Variants in RYR3 observed in about 807,000 individuals in gnomAD.
The protein encoded by RYR3 is brain ryanodine receptor-calcium release channel.
A neutral mutation model predicts 584.3 loss-of-function variants in RYR3; 207 were observed. That is an observed-to-expected ratio of 0.35 (90% confidence interval 0.32 to 0.40). The LOEUF (loss-of-function observed/expected upper bound fraction) is 0.40, where lower values mean the gene tolerates loss of function less well. Ranked by LOEUF, RYR3 falls within the 10% of genes least tolerant of loss-of-function variation. The pLI is 1.00. For synonymous variants in RYR3, 2,416 were observed against 2,248.5 expected (o/e 1.07, Z -2.11); for missense variants, 5,616 against 6,089.2 (o/e 0.92, Z 2.59).
chr15:33,426,930 T>C (rs953898801), intron 1 of RYR3, among the ~76,000 whole-genome samples: 1 of 152,208 alleles, frequency 6.6e-6, no homozygotes, highest in African/African-American at 2.4e-5. Context: ...CTGGTCTTTC[T>C]GTCTACTTAT....
chr15:33,434,967 A>AC (rs1202737853), intron 1 of RYR3, among the ~76,000 whole-genome samples: 2 of 151,676 alleles, frequency 1.3e-5, no homozygotes, highest in African/African-American at 4.8e-5. Flanking sequence ...ACAGGTGCCC[A>AC]CCACCATGCC....
intron 1 of RYR3, among the ~76,000 whole-genome samples, chr15:33,416,835 A>C (rs1375795465): frequency 6.6e-6 from 1 of 152,222 alleles, no homozygotes; most frequent in African/African-American, 2.4e-5. Flanking sequence ...CGTACATTTA[A>C]GTCTTTAATC....
intron 1 of RYR3, among the ~76,000 whole-genome samples, chr15:33,462,191 T>C (rs1304563763): frequency 6.6e-6 from 1 of 152,204 alleles, no homozygotes; most frequent in Non-Finnish European, 1.5e-5. Flanking sequence ...TTATAGAGCA[T>C]CTTTTTTTGA....
chr15:33,731,789 A>G, intron 48 of RYR3, 95 bp downstream of exon 48: 2 of 858,928 alleles, frequency 2.3e-6, no homozygotes, highest in Non-Finnish European at 3.8e-6. Context: ...AGTCTAAGGA[A>G]GCTTCCAGGC....
At chr15:33,442,893 GTTGTTCTAA>G (rs2046345920) in intron 1 of RYR3, among the ~76,000 whole-genome samples, 1 of 152,198 alleles carries the variant, frequency 6.6e-6, no homozygotes, top group African/African-American at 2.4e-5. Flanking sequence ...GTAGAACACA[GTTGTTCTAA>G]TTGTCCTGAT....
intron 2 of RYR3, among the ~76,000 whole-genome samples, chr15:33,483,115 T>C (rs1596323007): frequency 6.6e-6 from 1 of 152,244 alleles, no homozygotes; most frequent in East Asian, 1.9e-4. Flanking sequence ...AAGTTTGCAG[T>C]TGTTTATTTC....
In RYR3 at chr15:33,660,938, A is replaced by T. The variant is rs148694889; in HGVS notation, c.4622+515A>T. Among the ~76,000 whole-genome samples, 482 of 152,298 alleles carry T rather than the reference A, an allele frequency of 3.2e-3. 5 individuals carry two copies. The highest frequency in any genetic ancestry group is 0.011 in the African/African-American group (443 of 41,542). On this transcript the variant is annotated intron_variant, in intron 34 of 103. Coordinates refer to ENST00000634891, the MANE Select transcript of RYR3 (RefSeq NM_001036.6). ...GCTCACCCAAAGGGTTTCTGGGAGG[A>T]AAATAATGAGATTGTATAAGTATAA... is the stretch of plus-strand genomic sequence containing the variant.
intron 3 of RYR3, among the ~76,000 whole-genome samples, chr15:33,514,891 C>T (rs1228746402): frequency 6.6e-6 from 1 of 151,986 alleles, no homozygotes; most frequent in East Asian, 1.9e-4. Context: ...GTAGTCCCAG[C>T]TACTTGGGAG....
chr15:33,772,296 AAAG>A (rs57592758), intron 63 of RYR3, 138 bp downstream of exon 63: 19,604 of 555,836 alleles, frequency 0.035, 360 homozygotes, highest in African/African-American at 0.054. Flanking sequence ...TTAGATTAAA[AAAG>A]AAGAAGAAGA....
At chr15:33,857,265 C>A (rs2079782829) in intron 98 of RYR3, among the ~76,000 whole-genome samples, 1 of 123,840 alleles carries the variant, frequency 8.1e-6, no homozygotes, top group African/African-American at 3.0e-5. Flanking sequence ...AGCACCTGGT[C>A]TCCTCAGGGG....
At chr15:33,841,732 G>A in intron 90 of RYR3, 132 bp from the exon 91 acceptor site, 1 of 856,018 alleles carries the variant, frequency 1.2e-6, no homozygotes, top group Non-Finnish European at 1.8e-6. Context: ...ATAAAGACCT[G>A]AAGTTTCCAC....
chr15:33,418,915 G>T (rs1183076739), intron 1 of RYR3, among the ~76,000 whole-genome samples: 4 of 152,122 alleles, frequency 2.6e-5, no homozygotes, highest in Admixed American at 2.6e-4. Flanking sequence ...TGGAAGCAAA[G>T]AAGAGGTAAT....
Position 33,722,869 on chromosome 15 carries a change from C to T in RYR3, c.6774C>T (p.Leu2258=). The T allele has an allele frequency of 1.3e-6, 2 of 1,592,286 alleles. No homozygotes were observed. Among genetic ancestry groups the T allele is most frequent in the Non-Finnish European group, 1.7e-6 (2 of 1,171,286 alleles). The part of the protein sequence containing the change: ...IKISENPALD[L]PSQGYKREVS... ...TCTCTGAGAACCCAGCGCTCGACCTCCCCTCTCAAGGATACAAAAGAGAAG... is the reference window on the plus strand; with the variant it reads ...TCTCTGAGAACCCAGCGCTCGACCTTCCCTCTCAAGGATACAAAAGAGAAG... The change falls in exon 44 of 104, where the codon CTC becomes CTT. Residue 2258 remains leucine, a synonymous_variant. Transcript: ENST00000634891.
chr15:33,622,104 C>T (rs1259500005), intron 19 of RYR3, among the ~76,000 whole-genome samples: 1 of 152,140 alleles, frequency 6.6e-6, no homozygotes, highest in African/African-American at 2.4e-5. Context: ...CAAGAGTCTC[C>T]CAATTGGTCC....
chr15:33,740,027 G>C (rs746073997), intron 51 of RYR3, 32 bp downstream of exon 51: 1 of 1,601,646 alleles, frequency 6.2e-7, no homozygotes, highest in Non-Finnish European at 8.5e-7. Flanking sequence ...AGCTGGTGCT[G>C]TATTTTGTCC....
intron 32 of RYR3, among the ~76,000 whole-genome samples, chr15:33,658,896 T>C (rs2152700511): frequency 6.6e-6 from 1 of 151,358 alleles, no homozygotes; most frequent in East Asian, 1.9e-4. Flanking sequence ...GCAAAGGGGG[T>C]GGAGAGGATG....
At position 33,460,962 on chromosome 15, in the gene RYR3, T is replaced by TTTTTTTTTTTTTTTA. The variant is rs1567286930; in HGVS notation, c.52-12457_52-12456insTTTTTTTTTTTTTTA. 1.1e-4 allele frequency among the ~76,000 whole-genome samples: 16 copies of TTTTTTTTTTTTTTTA among 141,340 alleles called. 1 individual carries two copies. In the East Asian group the frequency reaches 1.9e-3, roughly 17 times the overall value. The allele number at this position is 141,340 out of a possible 152,430, so 92.7% of individuals were successfully genotyped here. On this transcript the variant is annotated intron_variant, in intron 1 of 103. Coordinates refer to ENST00000634891, the MANE Select transcript of RYR3 (RefSeq NM_001036.6). ...CACCTTTTTTTTTTTTTTTTTTTTTTAAGACGGAGTCTCGCTGTGTCGCCC... is the reference window on the plus strand; with the variant it reads ...CACCTTTTTTTTTTTTTTTTTTTTTTTTTTTTTTTTTTTTAAAGACGGAGTCTCGCTGTGTCGCCC...
chr15:33,342,193 C>A (rs1226217978), intron 1 of RYR3, among the ~76,000 whole-genome samples: 2 of 152,232 alleles, frequency 1.3e-5, no homozygotes, highest in Non-Finnish European at 2.9e-5. Flanking sequence ...GTCACATGAG[C>A]ACTCCTGCTG....
chr15:33,494,378 G>C (rs924619246), intron 2 of RYR3, among the ~76,000 whole-genome samples: 35 of 152,048 alleles, frequency 2.3e-4, no homozygotes, highest in African/African-American at 8.2e-4. Flanking sequence ...TATTCCTTGT[G>C]TTGGAGTAAA....
Sources: allele counts gnomAD v4.1 joint callset (sites outside exome capture counted in the v4.1 genomes callset), GRCh38; gene constraint gnomAD v4.1.1; transcripts MANE v1.5; gene names NCBI Gene and HGNC (gene_info 2026-07-23, HGNC 2026-07-21).